The following GFPT2 variants were observed in gnomAD, a reference collection of about 807,000 sequenced individuals.
GFPT2 encodes the protein glutamine--fructose-6-phosphate transaminase 2, also known as glutamine--fructose-6-phosphate aminotransferase [isomerizing] 2.
In GFPT2, 62 loss-of-function variants were observed where a neutral mutation model predicts 85.6. The ratio of observed to expected loss-of-function variants is 0.72; its 90% CI spans 0.59 to 0.90. The LOEUF is 0.90. Among genes scored for constraint, GFPT2 ranks in the 40% least tolerant of loss-of-function variants. The probability of loss-of-function intolerance (pLI) is 0.00; values close to 1 mark genes in which losing one functional copy is unlikely to be tolerated. For synonymous variants in GFPT2, 368 were observed against 344.5 expected, an observed-to-expected ratio of 1.07 and a Z score of -0.75; for missense variants, 788 against 893.4, an observed-to-expected ratio of 0.88 and a Z score of 1.50.
chr5:180,300,908 A>T lies in GFPT2; in HGVS notation c.*656T>A, dbSNP rs1763661891. 1 of 152,710 alleles carries T rather than the reference A, an allele frequency of 6.5e-6. No individual in the cohort carries two copies. The allele number at this position is 152,710 out of a possible 1,614,324, so 9.5% of individuals were successfully genotyped here. ...AAACAGAAGTTGGAGAAGTGGAGGG[A>T]TGTGGGCCACACACGAGAAGAAAAT... On this transcript the variant is annotated 3_prime_UTR_variant, in exon 19 of 19. Transcript: ENST00000253778.
At chr5:180,325,799 C>T (rs990290376) in intron 7 of GFPT2, among the ~76,000 whole-genome samples, 2 of 152,164 alleles carry the variant, frequency 1.3e-5, no homozygotes. Flanking sequence ...GGCTGAAGCG[C>T]GCAGATCACG....
chr5:180,301,849 T>C (rs17080160), intron 18 of GFPT2, among the ~76,000 whole-genome samples: 24,191 of 151,760 alleles, frequency 0.16, 2,032 homozygotes, highest in East Asian at 0.21. Context: ...GTTAACATGA[T>C]TTAAAGAATA....
intron 17 of GFPT2, among the ~76,000 whole-genome samples, chr5:180,303,155 G>A (rs1381661926): frequency 6.7e-6 from 1 of 149,994 alleles, no homozygotes; most frequent in African/African-American, 2.4e-5. Context: ...GCGTGAACCT[G>A]GGAGGCGGAG....
chr5:180,336,083 C>T, intron 3 of GFPT2, 130 bp from the exon 4 acceptor site: 1 of 848,500 alleles, frequency 1.2e-6, no homozygotes, highest in Non-Finnish European at 1.8e-6. Flanking sequence ...AGCTCCCACC[C>T]TGGGAGTCCG....
At chr5:180,352,645 C>G (rs1207236245) in intron 1 of GFPT2, 1 of 442,332 alleles carries the variant, frequency 2.3e-6, no homozygotes, top group Admixed American at 2.4e-5. Flanking sequence ...CTTCTAGGGA[C>G]CAGACGTTCC....
intron 13 of GFPT2, 96 bp downstream of exon 13, chr5:180,316,245 G>T: frequency 8.0e-7 from 1 of 1,249,888 alleles, no homozygotes; most frequent in Non-Finnish European, 1.1e-6. Flanking sequence ...CGCAGCACAG[G>T]GTAGCCATGC....
rs1033845074 is a variant in GFPT2 at position 180,330,138 on chromosome 5, T to C, written c.534+562A>G. Among the ~76,000 whole-genome samples, 5 of 152,148 alleles carry C rather than the reference T, an allele frequency of 3.3e-5. No homozygotes were observed. Among genetic ancestry groups the C allele is most frequent in the African/African-American group, 9.7e-5 (4 of 41,422 alleles). Reference sequence around the variant, plus strand: ...GAGTTCGAGACCAGCCTGGTCAACATAGTGAAACCCTGTCTCTACTAAAAG... The same window carrying C: ...GAGTTCGAGACCAGCCTGGTCAACACAGTGAAACCCTGTCTCTACTAAAAG... On this transcript the variant is annotated intron_variant, in intron 6 of 18. Coordinates refer to ENST00000253778, the MANE Select transcript of GFPT2 (RefSeq NM_005110.4). The surrounding 1 kb of genome is among the most constrained non-coding windows in gnomAD (Gnocchi z 4.4).
rs34123923 is a variant in GFPT2 at position 180,339,378 on chromosome 5, C to CAA, written c.8-780_8-779dup. Among the ~76,000 whole-genome samples, 294 of 64,504 alleles carry CAA rather than the reference C, an allele frequency of 4.6e-3. 5 individuals carry two copies. Among genetic ancestry groups the CAA allele is most frequent in the African/African-American group, 9.9e-3 (155 of 15,722 alleles). The allele number at this position is 64,504 out of a possible 152,430, so 42.3% of individuals were successfully genotyped here. A position where few individuals can be genotyped will look rare whatever the true frequency, so the allele number is the denominator to read the frequency against. On this transcript the variant is annotated intron_variant, in intron 1 of 18. Coordinates refer to ENST00000253778, the MANE Select transcript of GFPT2 (RefSeq NM_005110.4). ...CTGGCGACAGAGCTAGACTCTGTCTCAAAAAAAAAAAAAAAAAAAAAAGCA... is the reference window on the plus strand; with the variant it reads ...CTGGCGACAGAGCTAGACTCTGTCTCAAAAAAAAAAAAAAAAAAAAAAAAGCA...
chr5:180,301,536 TG>T lies in GFPT2; in HGVS notation c.*27del. ...GACAGGTCTGGAATCAGATGAAAGG[TG>T]GTGATGGTCTTGTCACGGTCTCAGC... On this transcript the variant is annotated 3_prime_UTR_variant, in exon 19 of 19. Transcript: ENST00000253778. 1 of 1,586,416 alleles carries T rather than the reference TG, an allele frequency of 6.3e-7. No individual in the cohort carries two copies. The highest frequency in any genetic ancestry group is 8.7e-7 in the Non-Finnish European group (1 of 1,154,734).
intron 17 of GFPT2, 83 bp from the exon 18 acceptor site, chr5:180,302,667 A>G (rs1362790154): frequency 1.8e-6 from 2 of 1,102,958 alleles, no homozygotes; most frequent in Non-Finnish European, 2.7e-6. Flanking sequence ...TGGAAGCTAC[A>G]TTACTGTGAT....
intron 4 of GFPT2, among the ~76,000 whole-genome samples, chr5:180,334,328 G>A (rs1483682470): frequency 6.6e-6 from 1 of 152,220 alleles, no homozygotes; most frequent in Non-Finnish European, 1.5e-5. Flanking sequence ...GGGGTGAGCT[G>A]GTGAGGCCCT....
At chr5:180,305,986 T>C (rs12332177) in intron 16 of GFPT2, among the ~76,000 whole-genome samples, 1,498 of 145,558 alleles carry the variant, frequency 0.01, 23 homozygotes, top group African/African-American at 0.038. Context: ...TTTCTTTCTT[T>C]TTTTTTTTTT....
chr5:180,342,619 G>C (rs1372239549), intron 1 of GFPT2, among the ~76,000 whole-genome samples: 2 of 151,990 alleles, frequency 1.3e-5, no homozygotes, highest in Non-Finnish European at 2.9e-5. Flanking sequence ...AAAACAACCA[G>C]AGGCCAGCGC....
chr5:180,318,662 G>T lies in GFPT2; in HGVS notation c.958+131C>A. 1.3e-6 allele frequency: 1 copy of T among 759,514 alleles called. No individual in the cohort carries two copies. The highest frequency in any genetic ancestry group is 2.2e-6 in the Non-Finnish European group (1 of 463,696). The allele number at this position is 759,514 out of a possible 1,614,324, so 47.0% of individuals were successfully genotyped here. On this transcript the variant is annotated intron_variant, in intron 10 of 18. Coordinates refer to ENST00000253778, the MANE Select transcript of GFPT2 (RefSeq NM_005110.4). The surrounding 1 kb of genome is among the most constrained non-coding windows in gnomAD (Gnocchi z 4.2). ...CACCTGTGCAAGCCACAGGCTACCT[G>T]CAGCCCCGCCCTGGTGGCCACAGAG...
chr5:180,340,218 T>C (rs574734779), intron 1 of GFPT2, among the ~76,000 whole-genome samples: 1 of 152,234 alleles, frequency 6.6e-6, no homozygotes, highest in East Asian at 1.9e-4. Flanking sequence ...GTTGTTTTTC[T>C]TTTTTGAGAC....
At chr5:180,322,513 G>A (rs868263655) in intron 9 of GFPT2, among the ~76,000 whole-genome samples, 9 of 151,978 alleles carry the variant, frequency 5.9e-5, no homozygotes, top group Non-Finnish European at 7.4e-5. Context: ...TGACTGCATC[G>A]TGCCTGGTCA....
At position 180,328,559 on chromosome 5, in the gene GFPT2, C is replaced by T. The variant is rs7730414; in HGVS notation, c.535-221G>A. On this transcript the variant is annotated intron_variant, in intron 6 of 18. Transcript: ENST00000253778. The surrounding 1 kb of genome is among the most constrained non-coding windows in gnomAD (Gnocchi z 5.4). ...CACAAACCAGAACATGTGAATTCCA[C>T]GGTGAGCGATGTGCGGCTTGCCCAG... Among the ~76,000 whole-genome samples, 10,030 of 152,278 alleles carry T rather than the reference C, an allele frequency of 0.066. 509 individuals are homozygous for T. The highest frequency in any genetic ancestry group is 0.14 in the African/African-American group (5,755 of 41,540).
chr5:180,313,700 G>C (rs1763943969), intron 14 of GFPT2, 107 bp downstream of exon 14: 1 of 900,456 alleles, frequency 1.1e-6, no homozygotes, highest in Non-Finnish European at 1.6e-6. Flanking sequence ...GGCGGGAAGG[G>C]GAAAGAAAGG....
chr5:180,336,234 A>G, intron 3 of GFPT2: 2 of 580,336 alleles, frequency 3.4e-6, no homozygotes, highest in Non-Finnish European at 6.1e-6. Context: ...CATTTGCTGG[A>G]ATAATTAAAA....
Sources: allele counts gnomAD v4.1 joint callset (sites outside exome capture counted in the v4.1 genomes callset), GRCh38; gene constraint gnomAD v4.1.1; non-coding constraint Gnocchi (gnomAD v3.1); transcripts MANE v1.5; gene names NCBI Gene and HGNC (gene_info 2026-07-23, HGNC 2026-07-21).